Variants in GRM1 observed in about 807,000 individuals in gnomAD.
GRM1 encodes glutamate metabotropic receptor 1.
GRM1 carries 33 observed loss-of-function variants against 90.9 expected under a neutral mutation model. The ratio of observed to expected loss-of-function variants is 0.36; its 90% confidence interval spans 0.28 to 0.49. The LOEUF (loss-of-function observed/expected upper bound fraction) is 0.49, where lower values mean the gene tolerates loss of function less well. Ranked by LOEUF, GRM1 falls within the 20% of genes least tolerant of loss-of-function variation. GRM1 has a pLI of 0.99. For missense variants in GRM1, 1,190 were observed against 1,534.3 expected (o/e 0.78, Z 3.75); for synonymous variants, 700 against 613.2 (o/e 1.14, Z -2.09).
chr6:146,358,591 C>T (rs1775320359), intron 5 of GRM1, among the ~76,000 whole-genome samples: 1 of 152,218 alleles, frequency 6.6e-6, no homozygotes, highest in South Asian at 2.1e-4. Flanking sequence ...GCCATGCTGA[C>T]ATGCCGCTGT....
chr6:146,349,389 A>T (rs955091170), intron 3 of GRM1, among the ~76,000 whole-genome samples: 1 of 151,878 alleles, frequency 6.6e-6, no homozygotes, highest in Non-Finnish European at 1.5e-5. Context: ...CCGTATTAGT[A>T]TTATTGTAGA....
chr6:146,302,886 A>G (rs1000531844), intron 2 of GRM1, among the ~76,000 whole-genome samples: 1 of 151,970 alleles, frequency 6.6e-6, no homozygotes, highest in African/African-American at 2.4e-5. Context: ...AGAAGGAAGG[A>G]ACGAAGGGAG....
intron 1 of GRM1, among the ~76,000 whole-genome samples, chr6:146,050,650 T>G (rs1042641821): frequency 1.3e-5 from 2 of 152,032 alleles, no homozygotes; most frequent in Non-Finnish European, 2.9e-5. Flanking sequence ...TTTACTGCAT[T>G]TTGAAATTTG....
intron 1 of GRM1, among the ~76,000 whole-genome samples, chr6:146,073,623 C>T (rs975980977): frequency 6.6e-6 from 1 of 152,060 alleles, no homozygotes; most frequent in African/African-American, 2.4e-5. Context: ...CAAGTGTCAT[C>T]AAAATCCAAG....
intron 5 of GRM1, among the ~76,000 whole-genome samples, chr6:146,385,997 A>G (rs774187208): frequency 6.6e-6 from 1 of 152,086 alleles, no homozygotes; most frequent in Non-Finnish European, 1.5e-5. Flanking sequence ...GCAAAAAACA[A>G]AGAACATATA....
intron 6 of GRM1, 28 bp downstream of exon 6, chr6:146,387,044 G>A (rs1232928620): frequency 6.2e-7 from 1 of 1,609,822 alleles, no homozygotes; most frequent in African/African-American, 1.3e-5. Flanking sequence ...TGGAAACCTT[G>A]TGCCTCACTA....
intron 1 of GRM1, among the ~76,000 whole-genome samples, chr6:146,096,337 T>G (rs916418475): frequency 2.0e-5 from 3 of 152,124 alleles, no homozygotes; most frequent in African/African-American, 7.2e-5. Context: ...GATTAGCTAG[T>G]TCAACTTAAT....
intron 2 of GRM1, among the ~76,000 whole-genome samples, chr6:146,240,756 G>C (rs1319287098): frequency 2.6e-5 from 4 of 152,104 alleles, no homozygotes; most frequent in African/African-American, 9.7e-5. Context: ...TTTTAAGCAG[G>C]ATGTCTTTAC....
chr6:146,345,537 T>C (rs1305279302), intron 3 of GRM1, among the ~76,000 whole-genome samples: 1 of 152,220 alleles, frequency 6.6e-6, no homozygotes, highest in Admixed American at 6.5e-5. Context: ...CTTTGTGTTA[T>C]TAGCTCAGCC....
rs1473601282 is a variant in GRM1 at position 146,399,169 on chromosome 6, C to A, written c.2130C>A (p.Ala710=). Residue 710 remains alanine, a synonymous_variant, in exon 7 of 8, where the codon GCC becomes GCA. Coordinates refer to ENST00000282753, the MANE Select transcript of GRM1 (RefSeq NM_001278064.2). The surrounding 1 kb of genome is among the most constrained non-coding windows in gnomAD (Gnocchi z 5.4). ...GTGCCTGGGCTCAGGTGATCATTGCCTCAATTCTGATTAGTGTGCAACTAA... is the reference window on the plus strand; with the variant it reads ...GTGCCTGGGCTCAGGTGATCATTGCATCAATTCTGATTAGTGTGCAACTAA... ...FMSAWAQVII[A]SILISVQLTL... 16 of 1,614,010 alleles carry A rather than the reference C, an allele frequency of 9.9e-6. No individual in the cohort carries two copies. Among genetic ancestry groups the A allele is most frequent in the Non-Finnish European group, 1.4e-5 (16 of 1,180,036 alleles).
At chr6:146,126,902 C>A (rs1420000409) in intron 1 of GRM1, among the ~76,000 whole-genome samples, 1 of 152,084 alleles carries the variant, frequency 6.6e-6, no homozygotes, top group East Asian at 1.9e-4. Context: ...TGAGCTGAGC[C>A]TCTCAGGAGT....
At chr6:146,062,903 A>G (rs555773378) in intron 1 of GRM1, among the ~76,000 whole-genome samples, 1 of 152,228 alleles carries the variant, frequency 6.6e-6, no homozygotes, top group Admixed American at 6.5e-5. Context: ...ACTATTTTTG[A>G]GGTTCTCCCT....
At chr6:146,287,538 A>T (rs1782810029) in intron 2 of GRM1, among the ~76,000 whole-genome samples, 2 of 152,170 alleles carry the variant, frequency 1.3e-5, no homozygotes, top group Non-Finnish European at 2.9e-5. Flanking sequence ...TCTCTAAAAG[A>T]GATTTTATGT....
At chr6:146,028,009 TC>T (rs2128833189), upstream of GRM1, among the ~76,000 whole-genome samples, 1 of 152,180 alleles carries the variant, frequency 6.6e-6, no homozygotes, top group South Asian at 2.1e-4. Flanking sequence ...CTGCCTCACC[TC>T]CTGTGCTCTC....
intron 7 of GRM1, among the ~76,000 whole-genome samples, chr6:146,423,290 A>G (rs747636521): frequency 1.3e-5 from 2 of 152,196 alleles, no homozygotes; most frequent in Non-Finnish European, 2.9e-5. Flanking sequence ...CTCAGTTTTT[A>G]TGCAGTTGAT....
At chr6:146,055,728 T>C (rs1775460858) in intron 1 of GRM1, among the ~76,000 whole-genome samples, 1 of 152,150 alleles carries the variant, frequency 6.6e-6, no homozygotes, top group South Asian at 2.1e-4. Flanking sequence ...TATGTGGTTT[T>C]ACATTTATAA....
intron 1 of GRM1, among the ~76,000 whole-genome samples, chr6:146,097,757 A>C (rs1776920331): frequency 6.6e-6 from 1 of 152,232 alleles, no homozygotes; most frequent in Non-Finnish European, 1.5e-5. Context: ...GAGCTTGTTC[A>C]AATTCATGCA....
intron 1 of GRM1, among the ~76,000 whole-genome samples, chr6:146,078,466 A>G (rs948447695): frequency 9.9e-5 from 15 of 152,194 alleles, no homozygotes; most frequent in African/African-American, 3.6e-4. Context: ...TGGCATTTGG[A>G]TATGTGGGGT....
intron 2 of GRM1, among the ~76,000 whole-genome samples, chr6:146,248,513 G>A (rs1562555856): frequency 6.6e-6 from 1 of 152,122 alleles, no homozygotes; most frequent in Non-Finnish European, 1.5e-5. Context: ...TGTAAAGAAG[G>A]TCCTTGCTTC....
Sources: allele counts gnomAD v4.1 joint callset (sites outside exome capture counted in the v4.1 genomes callset), GRCh38; gene constraint gnomAD v4.1.1; non-coding constraint Gnocchi (gnomAD v3.1); transcripts MANE v1.5; gene names NCBI Gene and HGNC (gene_info 2026-07-23, HGNC 2026-07-21).